Variants in UBR3 observed in about 807,000 individuals in gnomAD.
The protein encoded by UBR3 is E3 ubiquitin-protein ligase UBR3.
Under a neutral mutation model 243.2 loss-of-function variants are expected in UBR3, and 85 were observed. The observed-to-expected ratio is 0.35, with a 90% CI of 0.29 to 0.42. The LOEUF (loss-of-function observed/expected upper bound fraction) is 0.42, where lower values mean the gene tolerates loss of function less well. Among genes scored for constraint, UBR3 ranks in the 10% least tolerant of loss-of-function variants. UBR3 has a pLI of 1.00. For synonymous variants in UBR3, 748 were observed against 799.8 expected (o/e 0.94, Z 1.09); for missense variants, 1,686 against 2,300.8 (o/e 0.73, Z 5.47).
intron 38 of UBR3, 134 bp downstream of exon 38, chr2:170,080,818 T>C (rs929016053): frequency 1.1e-5 from 11 of 1,027,392 alleles, no homozygotes; most frequent in Non-Finnish European, 1.5e-5. Context: ...TAGAGCTATT[T>C]CTAGTTTTTG....
At chr2:169,995,434 G>A (rs1214548092) in intron 26 of UBR3, among the ~76,000 whole-genome samples, 1 of 152,136 alleles carries the variant, frequency 6.6e-6, no homozygotes, top group Non-Finnish European at 1.5e-5. Context: ...TAGGTCTTTA[G>A]AAGTTTTGAT....
intron 36 of UBR3, chr2:170,077,730 C>T (rs879573981): frequency 1.9e-4 from 55 of 290,678 alleles, no homozygotes; most frequent in African/African-American, 9.4e-4. Context: ...GGATTACAGG[C>T]GCCTGCCACT....
In UBR3 at chr2:170,069,137, A is replaced by T. The variant is rs116259047; in HGVS notation, c.5020-4291A>T. On this transcript the variant is annotated intron_variant, in intron 35 of 38. Transcript: ENST00000272793. ...ACTTCTGAACTCAATTTATAAGGCC[A>T]GTTTTATCCTGATAGTTGAATGAGG... is the stretch of plus-strand genomic sequence containing the variant. 2.4e-3 allele frequency among the ~76,000 whole-genome samples: 360 copies of T among 152,276 alleles called. 2 individuals are homozygous for T. Among genetic ancestry groups the T allele is most frequent in the African/African-American group, 8.4e-3 (350 of 41,556 alleles).
chr2:169,945,299 G>A (rs1024395311), intron 20 of UBR3, among the ~76,000 whole-genome samples: 10 of 152,040 alleles, frequency 6.6e-5, no homozygotes, highest in African/African-American at 2.4e-4. Flanking sequence ...TTTTTAAAAG[G>A]TTTTGAATGC....
At chr2:170,015,241 T>A in intron 29 of UBR3, 40 bp from the exon 30 acceptor site, 1 of 1,490,454 alleles carries the variant, frequency 6.7e-7, no homozygotes, top group Non-Finnish European at 9.3e-7. Flanking sequence ...TAATAAAGAA[T>A]CTTCAGTTTA....
At chr2:169,998,563 A>G (rs1423368449) in intron 26 of UBR3, among the ~76,000 whole-genome samples, 1 of 152,220 alleles carries the variant, frequency 6.6e-6, no homozygotes. Flanking sequence ...TGTGTGTTGT[A>G]GATGCTTACT....
In UBR3 at chr2:169,877,547, T is replaced by G; in HGVS notation, c.898T>G (p.Leu300Val). Reference sequence around the variant, plus strand: ...AAGTCATGAAAAGTACCTTATAGCTTTAAAGAGCTCTGGACTTACATATCC... The same window carrying G: ...AAGTCATGAAAAGTACCTTATAGCTGTAAAGAGCTCTGGACTTACATATCC... ...KKSHEKYLIA[L>V]KSSGLTYPED... The change falls in exon 4 of 39, where the codon TTA (leucine) becomes GTA (valine). Residue 300 changes from leucine (L) to valine (V), a missense_variant. Physicochemically the swap from Leu to Val is conservative, Grantham distance 32 (BLOSUM62 1). This residue lies in a region of UBR3 where 200 missense variants were observed against 231.6 expected (regional missense o/e 0.86). Transcript: ENST00000272793. 6.5e-7 allele frequency: 1 copy of G among 1,548,150 alleles called. No homozygotes were observed. Among genetic ancestry groups the G allele is most frequent in the Non-Finnish European group, 8.7e-7 (1 of 1,146,278 alleles).
Position 170,055,446 on chromosome 2 carries a change from T to C in UBR3, c.4661-14T>C. On this transcript the variant is annotated splice_polypyrimidine_tract_variant and intron_variant, in intron 32 of 38. Coordinates refer to ENST00000272793, the MANE Select transcript of UBR3 (RefSeq NM_172070.4). ...CTAGATTCCAAAGAAATAATGATTTTTTTTCTCTTGCAGACCACTTTACCT... is the reference window on the plus strand; with the variant it reads ...CTAGATTCCAAAGAAATAATGATTTCTTTTCTCTTGCAGACCACTTTACCT... 4 of 1,606,836 alleles carry C rather than the reference T, an allele frequency of 2.5e-6. No homozygotes were observed. Among genetic ancestry groups the C allele is most frequent in the Non-Finnish European group, 3.4e-6 (4 of 1,177,624 alleles).
intron 11 of UBR3, among the ~76,000 whole-genome samples, chr2:169,914,630 A>G (rs1304425137): frequency 6.6e-6 from 1 of 152,224 alleles, no homozygotes; most frequent in Admixed American, 6.5e-5. Flanking sequence ...CATGGTATGT[A>G]TGAATTGAAC....
intron 36 of UBR3, among the ~76,000 whole-genome samples, chr2:170,073,982 TCTTTAA>T (rs1204587552): frequency 2.0e-5 from 3 of 152,332 alleles, no homozygotes; most frequent in Non-Finnish European, 4.4e-5. Context: ...AAAGGTCATG[TCTTTAA>T]CTTTAAAATT....
At chr2:169,943,467 G>C (rs1184485985) in intron 20 of UBR3, among the ~76,000 whole-genome samples, 1 of 152,012 alleles carries the variant, frequency 6.6e-6, no homozygotes, top group Non-Finnish European at 1.5e-5. Flanking sequence ...TGGGTGTGGT[G>C]GTGGGCGCCT....
intron 22 of UBR3, among the ~76,000 whole-genome samples, chr2:169,948,433 C>T (rs773469002): frequency 6.6e-6 from 1 of 151,870 alleles, no homozygotes; most frequent in Non-Finnish European, 1.5e-5. Flanking sequence ...AAAATCAGCG[C>T]TCTCATTGCA....
At chr2:170,024,199 A>G (rs1005270648) in intron 30 of UBR3, among the ~76,000 whole-genome samples, 1 of 151,794 alleles carries the variant, frequency 6.6e-6, no homozygotes, top group Non-Finnish European at 1.5e-5. Flanking sequence ...CTAAAAATAC[A>G]AAAAATTAGC....
chr2:169,910,376 A>G (rs1045347692), intron 10 of UBR3, among the ~76,000 whole-genome samples: 1 of 152,178 alleles, frequency 6.6e-6, no homozygotes. Flanking sequence ...TGATATTGAT[A>G]TAAAAAGATC....
At chr2:169,913,443 G>T (rs1379325474) in intron 10 of UBR3, among the ~76,000 whole-genome samples, 2 of 149,694 alleles carry the variant, frequency 1.3e-5, no homozygotes, top group Non-Finnish European at 3.0e-5. Flanking sequence ...TGGTGGATCT[G>T]TTTTACCACA....
At chr2:170,017,570 CACACACACACACAG>C (rs1270843081) in intron 30 of UBR3, among the ~76,000 whole-genome samples, 317 of 141,910 alleles carry the variant, frequency 2.2e-3, no homozygotes, top group African/African-American at 8.3e-3. Flanking sequence ...CACACACACA[CACACACACACACAG>C]GGGGAGAAGG....
At chr2:169,959,533 G>A (rs576266435) in intron 24 of UBR3, among the ~76,000 whole-genome samples, 27 of 152,060 alleles carry the variant, frequency 1.8e-4, no homozygotes, top group Admixed American at 1.6e-3. Context: ...TGTTACTGGA[G>A]AGCTATGAAG....
chr2:169,995,986 A>G (rs1246937038), intron 26 of UBR3, among the ~76,000 whole-genome samples: 1 of 152,194 alleles, frequency 6.6e-6, no homozygotes, highest in Non-Finnish European at 1.5e-5. Flanking sequence ...AAAGTAAAAC[A>G]TTATTTTTAG....
At chr2:170,021,464 G>A (rs1000291064) in intron 30 of UBR3, among the ~76,000 whole-genome samples, 3 of 152,100 alleles carry the variant, frequency 2.0e-5, no homozygotes, top group African/African-American at 7.2e-5. Flanking sequence ...GGTGGAAGGG[G>A]CAAGAGATCT....
Sources: allele counts gnomAD v4.1 joint callset (sites outside exome capture counted in the v4.1 genomes callset), GRCh38; gene constraint gnomAD v4.1.1; regional missense constraint gnomAD v4.1.1; transcripts MANE v1.5; gene names NCBI Gene and HGNC (gene_info 2026-07-23, HGNC 2026-07-21).